DHX32: variants seen among roughly 807,000 people sequenced by gnomAD.
DHX32 encodes the protein putative pre-mRNA-splicing factor ATP-dependent RNA helicase DHX32.
In DHX32, 51 loss-of-function variants were observed where a neutral mutation model predicts 70.0. The observed-to-expected ratio is 0.73, with a 90% confidence interval of 0.58 to 0.92. The LOEUF (loss-of-function observed/expected upper bound fraction) is 0.92, where lower values mean the gene tolerates loss of function less well. Ranked by LOEUF, DHX32 falls within the 40% of genes least tolerant of loss-of-function variation. DHX32 has a pLI of 0.00. For missense variants in DHX32, 762 were observed against 891.8 expected, an observed-to-expected ratio of 0.85 and a Z score of 1.85; for synonymous variants, 310 against 315.3, an observed-to-expected ratio of 0.98 and a Z score of 0.18.
At chr10:125,893,424 T>C (rs1944382817) in intron 1 of DHX32, among the ~76,000 whole-genome samples, 1 of 152,072 alleles carries the variant, frequency 6.6e-6, no homozygotes, top group African/African-American at 2.4e-5. Flanking sequence ...TTTGTATTTT[T>C]AGTAGAGACG....
At chr10:125,870,836 C>CA (rs1339174313) in intron 1 of DHX32, among the ~76,000 whole-genome samples, 1 of 151,530 alleles carries the variant, frequency 6.6e-6, no homozygotes, top group East Asian at 1.9e-4. Context: ...GACTCTGTCT[C>CA]AAAAAAATAA....
At chr10:125,873,735 A>C (rs1944268710) in intron 1 of DHX32, among the ~76,000 whole-genome samples, 1 of 152,212 alleles carries the variant, frequency 6.6e-6, no homozygotes, top group African/African-American at 2.4e-5. Context: ...CCAATATATC[A>C]GAATCCATTA....
intron 7 of DHX32, chr10:125,841,420 A>G (rs17153665): frequency 6.4e-5 from 101 of 1,589,166 alleles, no homozygotes; most frequent in Admixed American, 8.9e-5. Context: ...GGCACACAAC[A>G]TTATTTGGGG....
chr10:125,866,879 T>C lies in DHX32; in HGVS notation c.476+111A>G. 1 of 1,191,802 alleles carries C rather than the reference T, an allele frequency of 8.4e-7. No individual in the cohort carries two copies. Among genetic ancestry groups the C allele is most frequent in the Non-Finnish European group, 1.2e-6 (1 of 850,382 alleles). 73.8% of individuals were successfully genotyped at this position (1,191,802 alleles called of 1,614,324 possible). On this transcript the variant is annotated intron_variant, in intron 2 of 10. Transcript: ENST00000284690. The surrounding 1 kb of genome is among the most constrained non-coding windows in gnomAD (Gnocchi z 4.8). ...GCTGATGACAGAGACCAGTTGCTAC[T>C]GCACAGCATAGATGCTTAACAGGTA...
At chr10:125,895,950 C>A (rs796636002) in intron 1 of DHX32, among the ~76,000 whole-genome samples, 1 of 142,704 alleles carries the variant, frequency 7.0e-6, no homozygotes, top group Admixed American at 7.0e-5. Context: ...GCCCCAGGCC[C>A]GGCCCATGCC....
rs1030269696 is a variant in DHX32 at position 125,866,942 on chromosome 10, T to G, written c.476+48A>C. On this transcript the variant is annotated intron_variant, in intron 2 of 10. Coordinates refer to ENST00000284690, the MANE Select transcript of DHX32 (RefSeq NM_018180.3). The surrounding 1 kb of genome is among the most constrained non-coding windows in gnomAD (Gnocchi z 4.8). The stretch of plus-strand genomic sequence containing the variant: ...AATGCTCCTTCAGAATTGTAGAACC[T>G]AAGCCAAGAATCATCAGCAGGGAGC... 1 of 1,568,326 alleles carries G rather than the reference T, an allele frequency of 6.4e-7. No individual in the cohort carries two copies. The highest frequency in any genetic ancestry group is 8.7e-7 in the Non-Finnish European group (1 of 1,150,314).
chr10:125,842,859 T>C (rs1854919366), intron 6 of DHX32: 1 of 793,104 alleles, frequency 1.3e-6, no homozygotes, highest in African/African-American at 1.9e-5. Flanking sequence ...GATAATGATG[T>C]GGTATTATAT....
chr10:125,883,927 T>C (rs115516978), upstream of DHX32, among the ~76,000 whole-genome samples: 137 of 152,242 alleles, frequency 9.0e-4, 1 homozygote, highest in African/African-American at 3.2e-3. Flanking sequence ...CCTCTTACCT[T>C]GTGAGGCTCT....
rs561900246 is a variant in DHX32, at chr10:125,892,701, G to T, written c.-248+3517C>A. Among the ~76,000 whole-genome samples the T allele has an allele frequency of 2.6e-5, 4 of 152,276 alleles. No homozygotes were observed. The South Asian group carries it at 8.3e-4, about 32-fold the overall frequency. On this transcript the variant is annotated intron_variant, in intron 1 of 2. Coordinates refer to the DHX32 transcript ENST00000415732. Reference sequence around the variant, plus strand: ...CATTGTGAATGTGGAATCAATGTCTGCTCTATGCCTAAGTCAATAACAGCC... The same window carrying T: ...CATTGTGAATGTGGAATCAATGTCTTCTCTATGCCTAAGTCAATAACAGCC...
Position 125,859,675 on chromosome 10 carries a change from A to C in DHX32, c.777T>G (p.Ile259Met). The C allele has an allele frequency of 6.2e-7, 1 of 1,613,294 alleles. No individual in the cohort carries two copies. ...SEAQKDSFES[I>M]LRLIFEIHHS... ...GGTGAATTTCAAAGATAAGGCGTAA[A>C]ATAGACTCAAAAGAATCCTTTTGAG... Residue 259 changes from isoleucine (I) to methionine (M), a missense_variant, in exon 3 of 11, where the codon ATT becomes ATG. By Grantham distance (10) the Ile-to-Met change is conservative (BLOSUM62 1). Transcript: ENST00000284690.
rs1481857772 is a variant in DHX32 at position 125,852,529 on chromosome 10, G to C, written c.1192+14C>G. On this transcript the variant is annotated intron_variant, in intron 5 of 10. Coordinates refer to ENST00000284690, the MANE Select transcript of DHX32 (RefSeq NM_018180.3). ...AGAATTGACAACATTTAGTATTTGT[G>C]TCCACAGCACTACCTGAAGAAGATG... 2 of 1,613,116 alleles carry C rather than the reference G, an allele frequency of 1.2e-6. No homozygotes were observed.
chr10:125,852,849 G>C (rs1589709830), intron 4 of DHX32, among the ~76,000 whole-genome samples: 1 of 152,212 alleles, frequency 6.6e-6, no homozygotes, highest in South Asian at 2.1e-4. Flanking sequence ...AAGGTTGTCT[G>C]CTTTCATTGT....
At chr10:125,854,775 T>C (rs1476492372) in intron 3 of DHX32, 6 of 152,256 alleles carry the variant, frequency 3.9e-5, no homozygotes, top group Non-Finnish European at 7.3e-5. Flanking sequence ...TATAATTGAA[T>C]TACTTGGGGC....
rs1944126784 is a variant in DHX32, at chr10:125,854,220, C to G, written c.850-17G>C. 6 of 1,562,580 alleles carry G rather than the reference C, an allele frequency of 3.8e-6. No homozygotes were observed. The East Asian group carries it at 1.4e-4, about 35-fold the overall frequency. ...CTCAATATCCTAAAGAAAAAAAAAC[C>G]CATGAAAATAAAATACAATGCAAAC... On this transcript the variant is annotated splice_polypyrimidine_tract_variant and intron_variant, in intron 3 of 10. Transcript: ENST00000284690.
At chr10:125,891,348 T>G (rs1301386557) in intron 1 of DHX32, among the ~76,000 whole-genome samples, 2 of 141,310 alleles carry the variant, frequency 1.4e-5, no homozygotes, top group Non-Finnish European at 3.2e-5. Flanking sequence ...TCCATCTCTC[T>G]CTCTCTTTTT....
intron 10 of DHX32, 64 bp from the exon 11 acceptor site, chr10:125,836,919 T>C (rs1459904653): frequency 9.0e-6 from 13 of 1,441,504 alleles, no homozygotes; most frequent in Non-Finnish European, 1.3e-5. Context: ...CACCAAACAT[T>C]ATGTCTGGGC....
At position 125,836,552 on chromosome 10, in the gene DHX32, T is replaced by C. The variant is rs896284434; in HGVS notation, c.*135A>G. 7 of 1,334,796 alleles carry C rather than the reference T, an allele frequency of 5.2e-6. No individual in the cohort carries two copies. Among genetic ancestry groups the C allele is most frequent in the Non-Finnish European group, 6.9e-6 (7 of 1,011,382 alleles). The allele number at this position is 1,334,796 out of a possible 1,614,324, so 82.7% of individuals were successfully genotyped here. On this transcript the variant is annotated 3_prime_UTR_variant, in exon 11 of 11. Coordinates refer to ENST00000284690, the MANE Select transcript of DHX32 (RefSeq NM_018180.3). ...ACTTCTATTTTTTATTTTAAAATAA[T>C]ATACACAGTGTTATTTTCTTCAAGA...
At chr10:125,891,870 A>C (rs1305314903) in intron 1 of DHX32, among the ~76,000 whole-genome samples, 1 of 152,108 alleles carries the variant, frequency 6.6e-6, no homozygotes, top group East Asian at 1.9e-4. Context: ...CACAAGGTAA[A>C]ATGTGCATAC....
At position 125,859,670 on chromosome 10, in the gene DHX32, C is replaced by CG. The variant is rs1564828073; in HGVS notation, c.781dup (p.Arg261ProfsTer5). 1 of 1,612,770 alleles carries CG rather than the reference C, an allele frequency of 6.2e-7. No homozygotes were observed. Among genetic ancestry groups the CG allele is most frequent in the Non-Finnish European group, 8.5e-7 (1 of 1,179,616 alleles). Reference sequence around the variant, plus strand: ...CGAGTGGTGAATTTCAAAGATAAGGCGTAAAATAGACTCAAAAGAATCCTT... The same window carrying CG: ...CGAGTGGTGAATTTCAAAGATAAGGCGGTAAAATAGACTCAAAAGAATCCTT... On this transcript the variant is annotated frameshift_variant, in exon 3 of 11. Coordinates refer to ENST00000284690, the MANE Select transcript of DHX32 (RefSeq NM_018180.3). LOFTEE classifies it high-confidence loss of function.
Sources: allele counts gnomAD v4.1 joint callset (sites outside exome capture counted in the v4.1 genomes callset), GRCh38; gene constraint gnomAD v4.1.1; non-coding constraint Gnocchi (gnomAD v3.1); transcripts MANE v1.5; gene names NCBI Gene and HGNC (gene_info 2026-07-23, HGNC 2026-07-21).